CRYBA4: variants seen among roughly 807,000 people sequenced by gnomAD.
The protein encoded by CRYBA4 is beta-crystallin A4.
CRYBA4 carries 30 observed loss-of-function variants against 31.7 expected under a neutral mutation model. The ratio of observed to expected loss-of-function variants is 0.95; its 90% CI spans 0.71 to 1.28. The LOEUF (loss-of-function observed/expected upper bound fraction) is 1.28, where lower values mean the gene tolerates loss of function less well. CRYBA4 is among the 50% of genes most tolerant of loss of function. CRYBA4 has a pLI of 0.00. For synonymous variants in CRYBA4, 102 were observed against 102.3 expected, an observed-to-expected ratio of 1.00 and a Z score of 0.02; for missense variants, 225 against 260.7, an observed-to-expected ratio of 0.86 and a Z score of 0.94.
At chr22:26,619,632 C>T (rs1331125113), upstream of CRYBA4, among the ~76,000 whole-genome samples, 1 of 152,230 alleles carries the variant, frequency 6.6e-6, no homozygotes, top group African/African-American at 2.4e-5. Context: ...CTCTGTCCCT[C>T]CACCACCCAG....
the CRYBA4 span, among the ~76,000 whole-genome samples, chr22:26,600,539 G>A: frequency 2.0e-5 from 3 of 152,216 alleles, no homozygotes; most frequent in Non-Finnish European, 4.4e-5. Context: ...AATCTAGGTG[G>A]ATAAGGTATC....
chr22:26,627,081 C>T (rs1929723621), intron 4 of CRYBA4, among the ~76,000 whole-genome samples: 1 of 152,126 alleles, frequency 6.6e-6, no homozygotes, highest in African/African-American at 2.4e-5. Flanking sequence ...TATAGGGACC[C>T]GTGGCGGGCT....
In CRYBA4 at chr22:26,625,564, G is replaced by A. The variant is rs1402917092; in HGVS notation, c.242G>A (p.Gly81Asp). The part of the protein sequence containing the change: ...RGEYPSWDAW[G>D]GNTAYPAERL... ...GAATATCCAAGCTGGGATGCCTGGG[G>A]CGGCAACACGGCCTACCCCGCCGAG... is the stretch of plus-strand genomic sequence containing the variant. The change falls in exon 4 of 6, where the codon GGC becomes GAC. Residue 81 changes from glycine to aspartate, a missense_variant. By Grantham distance (94) the Gly-to-Asp change is moderately conservative (BLOSUM62 -1). Transcript: ENST00000354760. 5 of 1,614,032 alleles carry A rather than the reference G, an allele frequency of 3.1e-6. No homozygotes were observed. The highest frequency in any genetic ancestry group is 4.2e-6 in the Non-Finnish European group (5 of 1,180,012).
At chr22:26,594,647 C>T in the CRYBA4 span, among the ~76,000 whole-genome samples, 3 of 151,998 alleles carry the variant, frequency 2.0e-5, no homozygotes, top group Admixed American at 6.6e-5. Context: ...GCTGAGATTG[C>T]GCCACTGCAC....
rs141684657 is a variant in CRYBA4, at chr22:26,625,544, T to C, written c.222T>C (p.Tyr74=). The C allele has an allele frequency of 3.2e-5, 51 of 1,614,044 alleles. No homozygotes were observed. The African/African-American group carries it at 6.5e-4, about 21-fold the overall frequency. ...GQQYILERGE[Y]PSWDAWGGNT... ...AGTACATTCTGGAACGAGGCGAATA[T>C]CCAAGCTGGGATGCCTGGGGCGGCA... The change falls in exon 4 of 6, where the codon TAT becomes TAC. Residue 74 remains tyrosine (Y), a synonymous_variant. Transcript: ENST00000354760.
At chr22:26,627,256 T>A (rs1929727284) in intron 4 of CRYBA4, among the ~76,000 whole-genome samples, 1 of 151,966 alleles carries the variant, frequency 6.6e-6, no homozygotes, top group Non-Finnish European at 1.5e-5. Context: ...GGCAGCTGCC[T>A]CCTAGCAGGA....
At position 26,622,583 on chromosome 22, in the gene CRYBA4, A is replaced by G; in HGVS notation, c.-12-2A>G. ...AGATTATAATGTTCTTCTCTTCTGC[A>G]GGAAGGGGCCACAATGACCCTGCAA... is the stretch of plus-strand genomic sequence containing the variant. On this transcript the variant is annotated splice_acceptor_variant, in intron 1 of 5. Transcript: ENST00000354760. LOFTEE classifies it low-confidence loss of function (5UTR_SPLICE). 1 of 1,587,456 alleles carries G rather than the reference A, an allele frequency of 6.3e-7. No individual in the cohort carries two copies. The highest frequency in any genetic ancestry group is 8.6e-7 in the Non-Finnish European group (1 of 1,162,486).
intron 4 of CRYBA4, among the ~76,000 whole-genome samples, chr22:26,626,045 G>C (rs2145981180): frequency 6.6e-6 from 1 of 152,238 alleles, no homozygotes; most frequent in South Asian, 2.1e-4. Flanking sequence ...GCTGTTTTTG[G>C]AGTGTGGGTG....
chr22:26,599,223 T>A, the CRYBA4 span: 1 of 497,328 alleles, frequency 2.0e-6, no homozygotes, highest in South Asian at 2.4e-5. Flanking sequence ...GGCAGGAACT[T>A]GGCCTTATTC....
the CRYBA4 span, among the ~76,000 whole-genome samples, chr22:26,605,890 G>A: frequency 5.9e-5 from 9 of 152,138 alleles, no homozygotes; most frequent in Non-Finnish European, 1.3e-4. Flanking sequence ...CTGTGGCAGG[G>A]CAGAGAGAGG....
chr22:26,598,173 G>A, the CRYBA4 span, among the ~76,000 whole-genome samples: 180 of 151,240 alleles, frequency 1.2e-3, no homozygotes, highest in Admixed American at 2.0e-3. Context: ...GTGAGCCACC[G>A]CACCCGGTCC....
chr22:26,591,027 CT>C, the CRYBA4 span, among the ~76,000 whole-genome samples: 2 of 152,088 alleles, frequency 1.3e-5, no homozygotes, highest in Admixed American at 6.6e-5. Context: ...AACTTTGGTT[CT>C]TTGTTCTCTT....
chr22:26,599,193 G>C, the CRYBA4 span: 3 of 430,318 alleles, frequency 7.0e-6, no homozygotes, highest in Non-Finnish European at 1.3e-5. Flanking sequence ...TCCCCTGCTA[G>C]GTGGAGCAAA....
At chr22:26,623,383 G>A (rs781531597) in intron 3 of CRYBA4, 31 bp downstream of exon 3, 6 of 1,564,070 alleles carry the variant, frequency 3.8e-6, no homozygotes, top group Non-Finnish European at 5.3e-6. Context: ...AGTTGGGGTA[G>A]AGGGTGGACA....
At chr22:26,616,852 A>G in the CRYBA4 span, among the ~76,000 whole-genome samples, 2 of 152,230 alleles carry the variant, frequency 1.3e-5, no homozygotes, top group African/African-American at 2.4e-5. Context: ...CTCAGGCCCA[A>G]ACAGCTACTA....
the CRYBA4 span, chr22:26,616,192 G>A: frequency 1.9e-6 from 3 of 1,614,218 alleles, no homozygotes; most frequent in Non-Finnish European, 2.5e-6. Context: ...AATAGGCACG[G>A]TTGTTGGGGC....
chr22:26,600,790 C>T, the CRYBA4 span, among the ~76,000 whole-genome samples: 1 of 152,322 alleles, frequency 6.6e-6, no homozygotes, highest in East Asian at 1.9e-4. Context: ...GTTTAAGTTC[C>T]ATCCTCTGCA....
the CRYBA4 span, among the ~76,000 whole-genome samples, chr22:26,607,656 T>G: frequency 1.3e-5 from 2 of 151,988 alleles, no homozygotes; most frequent in South Asian, 4.2e-4. Context: ...TAGCTCTAAC[T>G]TGGAAGCTTT....
the CRYBA4 span, chr22:26,612,138 C>T: frequency 1.2e-6 from 2 of 1,613,954 alleles, no homozygotes; most frequent in Non-Finnish European, 8.5e-7. Context: ...TGAGCACTCC[C>T]CCGAGAATTC....
Sources: allele counts gnomAD v4.1 joint callset (sites outside exome capture counted in the v4.1 genomes callset), GRCh38; gene constraint gnomAD v4.1.1; transcripts MANE v1.5; gene names NCBI Gene and HGNC (gene_info 2026-07-23, HGNC 2026-07-21).